Variants in ZNF362 observed in about 807,000 individuals in gnomAD.
ZNF362 encodes the protein rotund homolog.
A neutral mutation model predicts 42.9 loss-of-function variants in ZNF362; 11 were observed. That is an observed-to-expected ratio of 0.26 (90% CI 0.16 to 0.42). The LOEUF is 0.42. Ranked by LOEUF, ZNF362 falls within the 20% of genes least tolerant of loss-of-function variation. The probability of loss-of-function intolerance (pLI) is 1.00; values close to 1 mark genes in which losing one functional copy is unlikely to be tolerated. For missense variants in ZNF362, 362 were observed against 576.2 expected, an observed-to-expected ratio of 0.63 and a Z score of 3.81; for synonymous variants, 255 against 257.3, an observed-to-expected ratio of 0.99 and a Z score of 0.09.
At chr1:33,149,389 A>G in the ZNF362 span, among the ~76,000 whole-genome samples, 3 of 151,794 alleles carry the variant, frequency 2.0e-5, no homozygotes, top group Non-Finnish European at 2.9e-5. Flanking sequence ...CCTGGCCTCA[A>G]GTGATCTGCC....
At chr1:33,162,269 C>T in the ZNF362 span, among the ~76,000 whole-genome samples, 5 of 152,172 alleles carry the variant, frequency 3.3e-5, no homozygotes, top group South Asian at 2.1e-4. Flanking sequence ...ACCTCCCTAG[C>T]GCCACTGCAT....
chr1:33,245,022 T>C, the ZNF362 span, among the ~76,000 whole-genome samples: 1 of 152,152 alleles, frequency 6.6e-6, no homozygotes, highest in African/African-American at 2.4e-5. Context: ...CAGGGTCTAG[T>C]CTGGGTGAAC....
the ZNF362 span, among the ~76,000 whole-genome samples, chr1:33,154,458 C>T: frequency 1.3e-5 from 2 of 151,946 alleles, no homozygotes; most frequent in African/African-American, 4.8e-5. Context: ...TTATCTTGCT[C>T]AGCTATATGG....
chr1:33,159,917 TA>T, the ZNF362 span: 1 of 1,607,092 alleles, frequency 6.2e-7, no homozygotes, highest in Non-Finnish European at 8.5e-7. The surrounding 1 kb of genome is among the most constrained non-coding windows in gnomAD (Gnocchi z 4.2). Flanking sequence ...GCCTCGCCGA[TA>T]GTGGTCCGCA....
intron 2 of ZNF362, chr1:33,274,798 C>A: frequency 3.4e-6 from 1 of 291,232 alleles, no homozygotes; most frequent in Non-Finnish European, 5.1e-6. Context: ...CGCTTTGTGG[C>A]CTTGGACAGG....
At chr1:33,269,099 C>T (rs1645884131) in intron 1 of ZNF362, among the ~76,000 whole-genome samples, 1 of 152,094 alleles carries the variant, frequency 6.6e-6, no homozygotes, top group African/African-American at 2.4e-5. Flanking sequence ...CCCTTCCTGA[C>T]ACCCACCCTC....
At chr1:33,134,046 G>A in the ZNF362 span, among the ~76,000 whole-genome samples, 1 of 152,166 alleles carries the variant, frequency 6.6e-6, no homozygotes, top group Non-Finnish European at 1.5e-5. Context: ...GTTTATAAGG[G>A]GCAGAGGCAG....
chr1:33,133,941 C>A, the ZNF362 span, among the ~76,000 whole-genome samples: 1 of 152,208 alleles, frequency 6.6e-6, no homozygotes, highest in Non-Finnish European at 1.5e-5. Context: ...GCTTTACATG[C>A]CTTATCTTAC....
chr1:33,288,194 C>T (rs536829774), intron 6 of ZNF362, among the ~76,000 whole-genome samples: 73 of 152,244 alleles, frequency 4.8e-4, no homozygotes, highest in South Asian at 1.7e-3. Flanking sequence ...GAGTCACCTG[C>T]CCCAGGTTAC....
the ZNF362 span, among the ~76,000 whole-genome samples, chr1:33,131,246 C>T: frequency 6.6e-6 from 1 of 152,200 alleles, no homozygotes; most frequent in African/African-American, 2.4e-5. Flanking sequence ...GCCATTCTCT[C>T]CACAAATGTT....
chr1:33,224,782 A>C, the ZNF362 span, among the ~76,000 whole-genome samples: 1 of 152,226 alleles, frequency 6.6e-6, no homozygotes, highest in Non-Finnish European at 1.5e-5. Context: ...GAAAGATATC[A>C]AGTCATAAGA....
the ZNF362 span, among the ~76,000 whole-genome samples, chr1:33,156,093 G>C: frequency 6.6e-6 from 1 of 152,190 alleles, no homozygotes; most frequent in South Asian, 2.1e-4. Flanking sequence ...AGCAGAAGCT[G>C]GCTCTCAGCC....
At chr1:33,170,674 A>T in the ZNF362 span, among the ~76,000 whole-genome samples, 1 of 152,144 alleles carries the variant, frequency 6.6e-6, no homozygotes, top group Non-Finnish European at 1.5e-5. Context: ...CAAACCCTAG[A>T]GTCCAGAAGG....
the ZNF362 span, among the ~76,000 whole-genome samples, chr1:33,243,683 G>A: frequency 2.0e-5 from 3 of 150,366 alleles, no homozygotes; most frequent in Non-Finnish European, 4.4e-5. Context: ...TGCAAGCTCC[G>A]CCTCCCAGGT....
chr1:33,299,607 C>T lies in ZNF362; in HGVS notation c.*561C>T, dbSNP rs1466601580. 1 of 154,250 alleles carries T rather than the reference C, an allele frequency of 6.5e-6. No individual in the cohort carries two copies. Among genetic ancestry groups the T allele is most frequent in the Admixed American group, 6.4e-5 (1 of 15,524 alleles). 9.6% of individuals were successfully genotyped at this position (154,250 alleles called of 1,614,324 possible). A position where few individuals can be genotyped will look rare whatever the true frequency, so the allele number is the denominator to read the frequency against. On this transcript the variant is annotated 3_prime_UTR_variant, in exon 9 of 9. Transcript: ENST00000539719. ...GAGCCCTTCGCCCCTGAGTGCCTGG[C>T]TCGCACCTCTCGAGCTGTGCCCTGG...
upstream of ZNF362, among the ~76,000 whole-genome samples, chr1:33,253,115 G>T (rs1411003365): frequency 6.6e-6 from 1 of 151,104 alleles, no homozygotes; most frequent in Non-Finnish European, 1.5e-5. Flanking sequence ...TCACTACAGA[G>T]ATGAGATGAG....
At chr1:33,249,995 C>A in the ZNF362 span, among the ~76,000 whole-genome samples, 92 of 152,320 alleles carry the variant, frequency 6.0e-4, 1 homozygote, top group East Asian at 0.016. Flanking sequence ...TTAGCTCAAT[C>A]TACAGCCTCT....
chr1:33,285,772 G>T (rs1046692529), intron 6 of ZNF362, among the ~76,000 whole-genome samples: 2 of 152,196 alleles, frequency 1.3e-5, no homozygotes, highest in African/African-American at 4.8e-5. Flanking sequence ...AAACCATGGA[G>T]AATACATAGG....
the ZNF362 span, among the ~76,000 whole-genome samples, chr1:33,139,942 TC>T: frequency 6.6e-6 from 1 of 152,184 alleles, no homozygotes; most frequent in African/African-American, 2.4e-5. Flanking sequence ...CAGCTACTCT[TC>T]CGGGAGTGGT....
Sources: gnomAD v4.1 joint callset for allele counts (sites outside exome capture counted in the v4.1 genomes callset) on GRCh38, gnomAD v4.1.1 for gene constraint, Gnocchi (gnomAD v3.1) non-coding constraint, MANE v1.5 for transcripts, NCBI Gene and HGNC (gene_info 2026-07-23, HGNC 2026-07-21) for gene names.